SBF2: variants seen among roughly 807,000 people sequenced by gnomAD.
SBF2 encodes the protein SET binding factor 2.
Under a neutral mutation model 225.2 loss-of-function variants are expected in SBF2, and 112 were observed. That is an observed-to-expected ratio of 0.50 (90% confidence interval 0.43 to 0.58). SBF2 has a LOEUF of 0.58. SBF2 is among the 20% of genes least tolerant of loss of function. The pLI, the probability that SBF2 is intolerant of heterozygous loss-of-function variation, is 0.00. For missense variants in SBF2, 1,996 were observed against 2,206.2 expected, an observed-to-expected ratio of 0.90 and a Z score of 1.91; for synonymous variants, 763 against 773.3, an observed-to-expected ratio of 0.99 and a Z score of 0.22.
chr11:10,243,666 T>C (rs1252695366), intron 1 of SBF2, among the ~76,000 whole-genome samples: 1 of 152,014 alleles, frequency 6.6e-6, no homozygotes, highest in Non-Finnish European at 1.5e-5. Context: ...TAAAAGACGA[T>C]TGTGTACAAT....
chr11:10,186,435 A>G (rs557497323), intron 2 of SBF2, among the ~76,000 whole-genome samples: 2 of 152,282 alleles, frequency 1.3e-5, no homozygotes, highest in East Asian at 3.9e-4. Context: ...CTGGACACTG[A>G]GGCAGGAGAT....
At position 10,173,889 on chromosome 11, in the gene SBF2, C is replaced by A. The variant is rs952698882; in HGVS notation, c.141+20013G>T. Among the ~76,000 whole-genome samples the A allele has an allele frequency of 1.9e-4, 29 of 151,984 alleles. No homozygotes were observed. In the South Asian group the frequency reaches 3.7e-3, roughly 20 times the overall value. Reference sequence around the variant, plus strand: ...AGCAGCCTAACTGGGAGGCACCCCCCAGCAGGGGCAGACTGACACCTCACA... The same window carrying A: ...AGCAGCCTAACTGGGAGGCACCCCCAAGCAGGGGCAGACTGACACCTCACA... On this transcript the variant is annotated intron_variant, in intron 2 of 39. Transcript: ENST00000256190.
intron 24 of SBF2, 136 bp from the exon 25 acceptor site, chr11:9,842,906 C>T: frequency 1.3e-6 from 1 of 774,792 alleles, no homozygotes; most frequent in East Asian, 2.6e-5. Context: ...TAAGCCTCTC[C>T]TTCTTTAGGT....
intron 35 of SBF2, 30 bp from the exon 36 acceptor site, chr11:9,787,768 G>C (rs1216151007): frequency 6.3e-7 from 1 of 1,587,610 alleles, no homozygotes; most frequent in Non-Finnish European, 8.6e-7. Flanking sequence ...TTTCTGATCA[G>C]TATTTCATAG....
chr11:9,861,660 T>C (rs1857755305), intron 17 of SBF2, among the ~76,000 whole-genome samples: 2 of 123,428 alleles, frequency 1.6e-5, no homozygotes, highest in African/African-American at 2.9e-5. Context: ...TGAGACTCCA[T>C]CTCAAAAAAA....
intron 29 of SBF2, among the ~76,000 whole-genome samples, chr11:9,813,998 G>A (rs897522649): frequency 2.6e-5 from 4 of 151,850 alleles, no homozygotes; most frequent in African/African-American, 9.7e-5. Flanking sequence ...CTATCTTTGG[G>A]ATAATATTTT....
intron 25 of SBF2, 110 bp from the exon 26 acceptor site, chr11:9,839,806 A>G: frequency 5.0e-6 from 6 of 1,211,050 alleles, no homozygotes; most frequent in South Asian, 1.2e-5. Flanking sequence ...GATGGTAGAG[A>G]CAGATATCAA....
At chr11:10,299,514 G>C (rs1964576488) in intron 1 of SBF2, among the ~76,000 whole-genome samples, 1 of 152,162 alleles carries the variant, frequency 6.6e-6, no homozygotes, top group Non-Finnish European at 1.5e-5. Flanking sequence ...TGATGAGCAG[G>C]ACTGGCTACA....
chr11:9,858,292 C>T lies in SBF2; in HGVS notation c.2034G>A (p.Gln678=), dbSNP rs752205856. Residue 678 remains glutamine (Q), a synonymous_variant, in exon 18 of 40, where the codon CAG becomes CAA. Transcript: ENST00000256190. ...AGAGATAAAGGGAGCGAACCTGTTC[C>T]TGCACTGCATTGTAAAAGGTTGTCT... The part of the protein sequence containing the change: ...FWETTFYNAV[Q]EQVRSLYLSA... 1 of 1,614,160 alleles carries T rather than the reference C, an allele frequency of 6.2e-7. No homozygotes were observed. Among genetic ancestry groups the T allele is most frequent in the African/African-American group, 1.3e-5 (1 of 75,040 alleles).
intron 13 of SBF2, among the ~76,000 whole-genome samples, chr11:9,970,747 G>C (rs900073896): frequency 6.6e-6 from 1 of 152,138 alleles, no homozygotes; most frequent in African/African-American, 2.4e-5. Flanking sequence ...CTTATATAAG[G>C]CTCCTCAGAA....
intron 16 of SBF2, among the ~76,000 whole-genome samples, chr11:9,928,612 A>C (rs1416038949): frequency 1.3e-5 from 2 of 152,228 alleles, no homozygotes; most frequent in Admixed American, 6.5e-5. Flanking sequence ...TAAACTAGAT[A>C]AATGAATGCA....
At chr11:10,115,178 A>G (rs1953073184) in intron 2 of SBF2, among the ~76,000 whole-genome samples, 1 of 152,152 alleles carries the variant, frequency 6.6e-6, no homozygotes, top group Non-Finnish European at 1.5e-5. Context: ...ATTCCTTTAG[A>G]TGTTTTTCTC....
intron 16 of SBF2, among the ~76,000 whole-genome samples, chr11:9,921,423 AGAAACTCT>A (rs1863624456): frequency 6.6e-6 from 1 of 152,172 alleles, no homozygotes; most frequent in African/African-American, 2.4e-5. Context: ...CTACTTAATC[AGAAACTCT>A]GGGTGTGGCC....
intron 30 of SBF2, chr11:9,810,833 C>A (rs2133901428): frequency 6.6e-6 from 1 of 152,288 alleles, no homozygotes; most frequent in East Asian, 1.9e-4. Flanking sequence ...AACAGAATTA[C>A]CATTTGACCT....
chr11:10,150,826 T>C (rs1476191235), intron 2 of SBF2, among the ~76,000 whole-genome samples: 8 of 152,062 alleles, frequency 5.3e-5, no homozygotes, highest in Non-Finnish European at 8.8e-5. Context: ...CTCAAGTCTA[T>C]ATAAAAAGGT....
intron 1 of SBF2, among the ~76,000 whole-genome samples, chr11:10,241,833 A>G (rs771011728): frequency 5.9e-5 from 9 of 152,044 alleles, no homozygotes; most frequent in Non-Finnish European, 8.8e-5. Flanking sequence ...AATTACCTTC[A>G]AGAGAACTCC....
At chr11:10,013,753 A>C (rs2134565535) in intron 6 of SBF2, among the ~76,000 whole-genome samples, 1 of 152,352 alleles carries the variant, frequency 6.6e-6, no homozygotes, top group East Asian at 1.9e-4. Flanking sequence ...TTTAGCATCT[A>C]CTGATAATTT....
chr11:9,835,210 C>G (rs900078440), intron 26 of SBF2, among the ~76,000 whole-genome samples: 1 of 152,094 alleles, frequency 6.6e-6, no homozygotes, highest in Admixed American at 6.6e-5. Flanking sequence ...AATTCACATA[C>G]AAATGCTCAA....
intron 32 of SBF2, 125 bp downstream of exon 32, chr11:9,807,875 C>T (rs1195115331): frequency 2.3e-6 from 2 of 878,972 alleles, no homozygotes; most frequent in Non-Finnish European, 3.7e-6. Context: ...TTCAGCATGT[C>T]CTGTGGCTGA....
Sources: allele counts gnomAD v4.1 joint callset (sites outside exome capture counted in the v4.1 genomes callset), GRCh38; gene constraint gnomAD v4.1.1; transcripts MANE v1.5; gene names NCBI Gene and HGNC (gene_info 2026-07-23, HGNC 2026-07-21).